IGFL2: variants seen among roughly 807,000 people sequenced by gnomAD.
The protein encoded by IGFL2 is IGF like family member 2.
Under a neutral mutation model 13.9 loss-of-function variants are expected in IGFL2, and 7 were observed. The observed-to-expected ratio is 0.51, with a 90% CI of 0.29 to 0.95. The LOEUF (loss-of-function observed/expected upper bound fraction) is 0.95, where lower values mean the gene tolerates loss of function less well. IGFL2 is among the 40% of genes least tolerant of loss of function. The probability of loss-of-function intolerance (pLI) is 0.08; values close to 1 mark genes in which losing one functional copy is unlikely to be tolerated. For missense variants in IGFL2, 138 were observed against 147.8 expected, an observed-to-expected ratio of 0.93 and a Z score of 0.34; for synonymous variants, 55 against 55.8, an observed-to-expected ratio of 0.99 and a Z score of 0.07.
the IGFL2 span, among the ~76,000 whole-genome samples, chr19:46,112,338 G>T: frequency 6.6e-6 from 1 of 152,156 alleles, no homozygotes; most frequent in Non-Finnish European, 1.5e-5. Context: ...AATAATTATA[G>T]TGGCCCCCAC....
intron 1 of IGFL2, among the ~76,000 whole-genome samples, chr19:46,154,996 A>G (rs115403922): frequency 0.039 from 5,521 of 142,302 alleles, 127 homozygotes; most frequent in East Asian, 0.071. Context: ...CTTCTCCTGC[A>G]GCGATGTCTT....
downstream of IGFL2, among the ~76,000 whole-genome samples, chr19:46,161,830 T>C (rs1433304532): frequency 6.6e-6 from 1 of 152,196 alleles, no homozygotes; most frequent in African/African-American, 2.4e-5. Context: ...AGGTTAGTAT[T>C]GATATATGTG....
At chr19:46,209,487 C>T in the IGFL2 span, 1 of 152,184 alleles carries the variant, frequency 6.6e-6, no homozygotes, top group South Asian at 2.1e-4. Flanking sequence ...ACAGCATCAG[C>T]ATCCTGCTAG....
the IGFL2 span, among the ~76,000 whole-genome samples, chr19:46,194,830 T>TTATATATATATATATA: frequency 1.5e-4 from 7 of 46,792 alleles, no homozygotes; most frequent in South Asian, 9.3e-4. Flanking sequence ...CTTCCTCATT[T>TTATATATATATATATA]TATATATATA....
chr19:46,190,281 T>A, the IGFL2 span: 1 of 152,208 alleles, frequency 6.6e-6, no homozygotes, highest in African/African-American at 2.4e-5. Flanking sequence ...AAGAACTCAT[T>A]CACCTGTCCT....
At chr19:46,094,650 C>CGTTA in the IGFL2 span, among the ~76,000 whole-genome samples, 2 of 152,072 alleles carry the variant, frequency 1.3e-5, no homozygotes, top group Admixed American at 1.3e-4. Context: ...GCCCTGCATG[C>CGTTA]GTTAGCTATT....
At chr19:46,087,007 C>T in the IGFL2 span, among the ~76,000 whole-genome samples, 2 of 152,248 alleles carry the variant, frequency 1.3e-5, no homozygotes, top group East Asian at 1.9e-4. Flanking sequence ...TTTTGGGCCA[C>T]GGTGGCAGTA....
chr19:46,100,136 C>T, the IGFL2 span, among the ~76,000 whole-genome samples: 1 of 152,128 alleles, frequency 6.6e-6, no homozygotes, highest in East Asian at 1.9e-4. Context: ...CCATCTCAGC[C>T]TCCACCCAGT....
intron 1 of IGFL2, among the ~76,000 whole-genome samples, chr19:46,155,879 T>C (rs1170634320): frequency 1.3e-5 from 2 of 152,250 alleles, no homozygotes; most frequent in Non-Finnish European, 2.9e-5. Flanking sequence ...TAAATTATTA[T>C]AGTTTTATGA....
chr19:46,087,618 G>T, the IGFL2 span, among the ~76,000 whole-genome samples: 12 of 152,272 alleles, frequency 7.9e-5, no homozygotes, highest in African/African-American at 2.7e-4. Context: ...ACTGCTTTTA[G>T]TGGGAGCAGC....
At chr19:46,203,874 AC>A in the IGFL2 span, among the ~76,000 whole-genome samples, 1 of 151,854 alleles carries the variant, frequency 6.6e-6, no homozygotes, top group Non-Finnish European at 1.5e-5. Flanking sequence ...ATGCCACCAC[AC>A]CCAGCTAATT....
the IGFL2 span, among the ~76,000 whole-genome samples, chr19:46,205,125 T>A: frequency 3.2e-3 from 490 of 152,190 alleles, 6 homozygotes; most frequent in African/African-American, 0.011. Context: ...CCCGGTAATA[T>A]AGGAGTTAAG....
intron 1 of IGFL2, among the ~76,000 whole-genome samples, chr19:46,158,078 CAT>C (rs1407534232): frequency 1.3e-5 from 2 of 152,072 alleles, no homozygotes; most frequent in African/African-American, 2.4e-5. Flanking sequence ...TCTAACAAAA[CAT>C]GTACAGGACT....
chr19:46,128,564 ATTT>A, the IGFL2 span, among the ~76,000 whole-genome samples: 3 of 152,034 alleles, frequency 2.0e-5, no homozygotes, highest in African/African-American at 7.3e-5. Context: ...GAGGTGTTGA[ATTT>A]TTCTCAAAAG....
At chr19:46,176,376 G>T in the IGFL2 span, among the ~76,000 whole-genome samples, 1 of 152,234 alleles carries the variant, frequency 6.6e-6, no homozygotes, top group Admixed American at 6.5e-5. Flanking sequence ...TAACAAGAGG[G>T]TTTGAGGCCA....
At chr19:46,113,416 C>T in the IGFL2 span, 2 of 402,058 alleles carry the variant, frequency 5.0e-6, no homozygotes, top group Non-Finnish European at 1.0e-5. Context: ...TTGGAAACTT[C>T]CATTTTGACT....
the IGFL2 span, chr19:46,202,531 T>C: frequency 6.6e-6 from 1 of 151,956 alleles, no homozygotes; most frequent in Non-Finnish European, 1.5e-5. Flanking sequence ...GGGTTGGTAC[T>C]TGCCATCCAG....
the IGFL2 span, among the ~76,000 whole-genome samples, chr19:46,211,903 T>A: frequency 6.6e-6 from 1 of 152,158 alleles, no homozygotes; most frequent in East Asian, 2.0e-4. Context: ...GTCAGCAGCT[T>A]CCCTACTTCT....
At chr19:46,195,839 C>A in the IGFL2 span, 1 of 152,376 alleles carries the variant, frequency 6.6e-6, no homozygotes, top group Non-Finnish European at 1.5e-5. Flanking sequence ...TGATTCACAT[C>A]TAGAAGGGGA....
Sources: gnomAD v4.1 joint callset for allele counts (sites outside exome capture counted in the v4.1 genomes callset) on GRCh38, gnomAD v4.1.1 for gene constraint, MANE v1.5 for transcripts, NCBI Gene and HGNC (gene_info 2026-07-23, HGNC 2026-07-21) for gene names.